ZNF678: variants seen among roughly 807,000 people sequenced by gnomAD.
ZNF678 encodes zinc finger protein 678.
Under a neutral mutation model 3.0 loss-of-function variants are expected in ZNF678, and 5 were observed. That is an observed-to-expected ratio of 1.69 (90% confidence interval 0.88 to 3.56). ZNF678 has a LOEUF of 3.56. ZNF678 is among the 30% of genes most tolerant of loss of function. The probability of loss-of-function intolerance (pLI) is 0.00; values close to 1 mark genes in which losing one functional copy is unlikely to be tolerated. For synonymous variants in ZNF678, 218 were observed against 199.6 expected, an observed-to-expected ratio of 1.09 and a Z score of -0.78; for missense variants, 593 against 605.0, an observed-to-expected ratio of 0.98 and a Z score of 0.21.
chr1:227,605,600 A>G (rs1657844925), intron 1 of ZNF678, among the ~76,000 whole-genome samples: 1 of 152,216 alleles, frequency 6.6e-6, no homozygotes, highest in Non-Finnish European at 1.5e-5. Flanking sequence ...AGTTCTCCTC[A>G]ATTCCTAGTT....
At chr1:227,598,662 T>C (rs1475368550) in intron 1 of ZNF678, 1 of 540,564 alleles carries the variant, frequency 1.8e-6, no homozygotes, top group Non-Finnish European at 3.4e-6. Context: ...CTTTTCTTTC[T>C]CCGTTGCATC....
intron 3 of ZNF678, among the ~76,000 whole-genome samples, chr1:227,652,880 T>C (rs1659124418): frequency 6.6e-6 from 1 of 152,126 alleles, no homozygotes; most frequent in African/African-American, 2.4e-5. Context: ...ATATAATTTT[T>C]TGTTTAATGA....
intron 1 of ZNF678, among the ~76,000 whole-genome samples, chr1:227,576,628 T>C (rs1024231219): frequency 1.3e-5 from 2 of 152,208 alleles, no homozygotes; most frequent in African/African-American, 2.4e-5. Flanking sequence ...TTGAATCTTC[T>C]CTCTTTTTTA....
chr1:227,625,263 G>T (rs893627795), intron 1 of ZNF678, among the ~76,000 whole-genome samples: 3 of 152,138 alleles, frequency 2.0e-5, no homozygotes, highest in Admixed American at 6.5e-5. Flanking sequence ...AATCCAGCCA[G>T]TCCTGTCTCT....
chr1:227,580,924 C>CA lies in ZNF678; in HGVS notation c.-164+17215dup, dbSNP rs11350768. On this transcript the variant is annotated intron_variant, in intron 1 of 3. Coordinates refer to ENST00000343776, the MANE Select transcript of ZNF678 (RefSeq NM_001367909.1). ...CAGCCTCAAGAACGAAACTCCCTCT[C>CA]AAAAAAAAAAAAAAATTTTACCACA... Among the ~76,000 whole-genome samples the CA allele has an allele frequency of 4.9e-3, 641 of 129,754 alleles. 3 individuals carry two copies. The highest frequency in any genetic ancestry group is 0.015 in the African/African-American group (518 of 34,908). The allele number at this position is 129,754 out of a possible 152,430, so 85.1% of individuals were successfully genotyped here.
chr1:227,564,718 G>C (rs894557021), intron 1 of ZNF678, among the ~76,000 whole-genome samples: 2 of 152,024 alleles, frequency 1.3e-5, no homozygotes, highest in Non-Finnish European at 2.9e-5. Context: ...TGTTGTTGCT[G>C]TTGTTGTTTT....
At chr1:227,571,899 G>A (rs1429306952) in intron 1 of ZNF678, among the ~76,000 whole-genome samples, 1 of 152,182 alleles carries the variant, frequency 6.6e-6, no homozygotes, top group Non-Finnish European at 1.5e-5. Flanking sequence ...AAAATTAGCT[G>A]GATGTGGTGG....
At chr1:227,675,221 C>CT (rs1659661001) in intron 5 of ZNF678, among the ~76,000 whole-genome samples, 1 of 152,096 alleles carries the variant, frequency 6.6e-6, no homozygotes, top group Non-Finnish European at 1.5e-5. Context: ...CACCAGAGAA[C>CT]TTTCTCACTC....
chr1:227,574,895 A>G (rs888897869), intron 1 of ZNF678, among the ~76,000 whole-genome samples: 2 of 152,180 alleles, frequency 1.3e-5, no homozygotes, highest in African/African-American at 4.8e-5. Context: ...CAGTTATCCC[A>G]GTAACATTTA....
chr1:227,624,407 A>G (rs1571894917), intron 1 of ZNF678, among the ~76,000 whole-genome samples: 1 of 152,324 alleles, frequency 6.6e-6, no homozygotes, highest in Non-Finnish European at 1.5e-5. Flanking sequence ...TTTTAACTTC[A>G]TATCGCTGAA....
intron 1 of ZNF678, among the ~76,000 whole-genome samples, chr1:227,581,826 A>C (rs1657135791): frequency 6.6e-6 from 1 of 152,224 alleles, no homozygotes; most frequent in Non-Finnish European, 1.5e-5. Flanking sequence ...TTTAGTATAT[A>C]CTGCCAAATG....
At chr1:227,609,590 T>C (rs1412464971) in intron 1 of ZNF678, among the ~76,000 whole-genome samples, 3 of 152,220 alleles carry the variant, frequency 2.0e-5, no homozygotes, top group Non-Finnish European at 2.9e-5. Context: ...TACCATAAAA[T>C]TTGTGACGAT....
intron 2 of ZNF678, among the ~76,000 whole-genome samples, chr1:227,647,413 A>T (rs998888844): frequency 2.6e-5 from 4 of 152,218 alleles, no homozygotes; most frequent in African/African-American, 9.6e-5. Context: ...GGAGCATGCC[A>T]GCAAGAGTCA....
chr1:227,674,710 C>G (rs1659653734), intron 5 of ZNF678, among the ~76,000 whole-genome samples: 1 of 149,886 alleles, frequency 6.7e-6, no homozygotes, highest in African/African-American at 2.5e-5. Flanking sequence ...TCAAGCGATT[C>G]TCCTGCCTCA....
intron 1 of ZNF678, among the ~76,000 whole-genome samples, chr1:227,573,463 G>T (rs912013055): frequency 1.3e-5 from 2 of 152,164 alleles, no homozygotes; most frequent in Admixed American, 6.5e-5. Context: ...CATAATGTGT[G>T]CTTGTTAATA....
At chr1:227,604,934 C>A (rs1657826701) in intron 1 of ZNF678, among the ~76,000 whole-genome samples, 1 of 152,184 alleles carries the variant, frequency 6.6e-6, no homozygotes, top group Non-Finnish European at 1.5e-5. Context: ...CCGCTCACTG[C>A]AAGCTCCGCC....
intron 1 of ZNF678, among the ~76,000 whole-genome samples, chr1:227,595,123 T>A (rs1657527835): frequency 6.6e-6 from 1 of 151,100 alleles, no homozygotes; most frequent in Non-Finnish European, 1.5e-5. Context: ...GGTTTTAAAT[T>A]TACCTTTGCT....
At chr1:227,672,375 G>A (rs1245222792) in intron 5 of ZNF678, among the ~76,000 whole-genome samples, 1 of 152,078 alleles carries the variant, frequency 6.6e-6, no homozygotes, top group Non-Finnish European at 1.5e-5. Context: ...GGAAGACGAA[G>A]GGCCCATAAT....
intron 1 of ZNF678, chr1:227,598,411 A>G (rs1009973605): frequency 2.1e-6 from 3 of 1,445,084 alleles, no homozygotes; most frequent in Non-Finnish European, 2.7e-6. Flanking sequence ...GGGAATCCTG[A>G]TTTTTCTTAA....
Sources: gnomAD v4.1 joint callset for allele counts (sites outside exome capture counted in the v4.1 genomes callset) on GRCh38, gnomAD v4.1.1 for gene constraint, MANE v1.5 for transcripts, NCBI Gene and HGNC (gene_info 2026-07-23, HGNC 2026-07-21) for gene names.